TJP1: variants seen among roughly 807,000 people sequenced by gnomAD.
The protein encoded by TJP1 is tight junction protein 1, also known as tight junction protein ZO-1.
TJP1 carries 43 observed loss-of-function variants against 194.2 expected under a neutral mutation model. The observed-to-expected ratio is 0.22, with a 90% CI of 0.17 to 0.29. The LOEUF is 0.29. Among genes scored for constraint, TJP1 ranks in the 10% least tolerant of loss-of-function variants. The pLI is 1.00. For synonymous variants in TJP1, 801 were observed against 779.0 expected (o/e 1.03, Z -0.47); for missense variants, 1,971 against 2,185.7 (o/e 0.90, Z 1.96).
intron 2 of TJP1, among the ~76,000 whole-genome samples, chr15:29,890,424 G>A (rs1273463048): frequency 6.6e-6 from 1 of 152,144 alleles, no homozygotes; most frequent in Admixed American, 6.5e-5. Flanking sequence ...ACAACTTCAA[G>A]GCGCAGTGAA....
At chr15:29,780,129 G>A (rs1231741156) in intron 2 of TJP1, among the ~76,000 whole-genome samples, 1 of 152,092 alleles carries the variant, frequency 6.6e-6, no homozygotes, top group Non-Finnish European at 1.5e-5. Flanking sequence ...CCACAGACCG[G>A]CAGGTGGAGG....
At chr15:29,811,077 C>T (rs189239718) in intron 1 of TJP1, among the ~76,000 whole-genome samples, 31 of 152,148 alleles carry the variant, frequency 2.0e-4, no homozygotes, top group Non-Finnish European at 5.9e-5. Flanking sequence ...AGAAAGTTGA[C>T]AGGAAGTACA....
intron 18 of TJP1, among the ~76,000 whole-genome samples, chr15:29,722,094 A>G (rs1333036286): frequency 3.3e-5 from 5 of 152,224 alleles, no homozygotes; most frequent in Admixed American, 2.6e-4. Flanking sequence ...CAGCCTGGCT[A>G]TGCAGTAAAA....
chr15:29,887,732 T>A (rs1017517065), intron 2 of TJP1, among the ~76,000 whole-genome samples: 1 of 152,260 alleles, frequency 6.6e-6, no homozygotes, highest in African/African-American at 2.4e-5. Context: ...TTTTATTTTT[T>A]AAATACACTT....
At chr15:29,962,424 T>C (rs1418568266) in intron 1 of TJP1, among the ~76,000 whole-genome samples, 2 of 152,134 alleles carry the variant, frequency 1.3e-5, no homozygotes, top group African/African-American at 2.4e-5. Flanking sequence ...CGGGCAAAAA[T>C]AATCAAGATG....
upstream of TJP1, among the ~76,000 whole-genome samples, chr15:29,824,555 G>C (rs1452376342): frequency 6.6e-6 from 1 of 151,002 alleles, no homozygotes; most frequent in South Asian, 2.1e-4. Flanking sequence ...GAAACAGTGA[G>C]ACCCCATTAA....
intron 2 of TJP1, among the ~76,000 whole-genome samples, chr15:29,935,566 C>G (rs74793173): frequency 0.051 from 7,703 of 152,178 alleles, 243 homozygotes; most frequent in South Asian, 0.1. Flanking sequence ...CTTTTCCAGT[C>G]CTGGAATGAC....
intron 8 of TJP1, among the ~76,000 whole-genome samples, chr15:29,756,317 A>G (rs954214598): frequency 9.9e-5 from 15 of 152,242 alleles, no homozygotes; most frequent in Non-Finnish European, 2.1e-4. Context: ...AGTTATAAGA[A>G]AACCACTGTA....
chr15:29,907,715 T>C (rs2053863190), intron 2 of TJP1, among the ~76,000 whole-genome samples: 1 of 152,108 alleles, frequency 6.6e-6, no homozygotes, highest in African/African-American at 2.4e-5. Context: ...ACCTGCTTTG[T>C]TGTTTTAACT....
intron 8 of TJP1, among the ~76,000 whole-genome samples, chr15:29,758,543 C>T (rs1324963082): frequency 6.6e-6 from 1 of 152,116 alleles, no homozygotes; most frequent in Non-Finnish European, 1.5e-5. Context: ...AAATTTTTTA[C>T]AATCTAAACT....
At chr15:29,818,748 C>T (rs1284806102) in intron 1 of TJP1, among the ~76,000 whole-genome samples, 1 of 147,820 alleles carries the variant, frequency 6.8e-6, no homozygotes, top group African/African-American at 2.5e-5. Context: ...GAACTCCTGA[C>T]GTCGTGATCC....
chr15:29,950,590 G>C (rs1447247365), intron 2 of TJP1, among the ~76,000 whole-genome samples: 2 of 152,172 alleles, frequency 1.3e-5, no homozygotes, highest in African/African-American at 4.8e-5. Context: ...TCTCGTACTG[G>C]TGATGGGAGA....
intron 2 of TJP1, among the ~76,000 whole-genome samples, chr15:29,785,480 G>A (rs1219888812): frequency 6.6e-6 from 1 of 152,022 alleles, no homozygotes; most frequent in Admixed American, 6.6e-5. Flanking sequence ...ACTGGTTAAA[G>A]TATTTCTTGG....
intron 1 of TJP1, among the ~76,000 whole-genome samples, chr15:29,817,278 T>A (rs1363782306): frequency 1.3e-5 from 2 of 152,054 alleles, no homozygotes; most frequent in African/African-American, 2.4e-5. Flanking sequence ...AAAACCACAA[T>A]GAGATACCAT....
intron 2 of TJP1, among the ~76,000 whole-genome samples, chr15:29,832,452 A>G (rs944229412): frequency 2.6e-5 from 4 of 152,172 alleles, no homozygotes; most frequent in African/African-American, 9.7e-5. Flanking sequence ...TTGTTTTTTA[A>G]TATGCTAAAT....
intron 2 of TJP1, among the ~76,000 whole-genome samples, chr15:29,910,838 T>C (rs2053989153): frequency 6.6e-6 from 1 of 152,284 alleles, no homozygotes; most frequent in East Asian, 1.9e-4. Context: ...TTATATGTGA[T>C]GGGGTAAACT....
chr15:29,820,811 G>A, intron 1 of TJP1: 1 of 507,302 alleles, frequency 2.0e-6, no homozygotes, highest in Admixed American at 3.2e-5. Flanking sequence ...GTCAAAAGGT[G>A]CAAGTTAAAT....
intron 2 of TJP1, among the ~76,000 whole-genome samples, chr15:29,893,651 T>C (rs914273480): frequency 8.5e-5 from 13 of 152,164 alleles, no homozygotes; most frequent in African/African-American, 2.9e-4. Context: ...AGATAATCAC[T>C]AGCATTTTTA....
At chr15:29,932,347 C>T (rs1215842788) in intron 2 of TJP1, among the ~76,000 whole-genome samples, 2 of 152,144 alleles carry the variant, frequency 1.3e-5, no homozygotes, top group East Asian at 3.9e-4. Context: ...GGAAACCTGG[C>T]ATTTGACAGA....
Sources: allele counts gnomAD v4.1 joint callset (sites outside exome capture counted in the v4.1 genomes callset), GRCh38; gene constraint gnomAD v4.1.1; transcripts MANE v1.5; gene names NCBI Gene and HGNC (gene_info 2026-07-23, HGNC 2026-07-21).